Variants in MLLT6 observed in about 807,000 individuals in gnomAD.
MLLT6 encodes the protein protein AF-17.
A neutral mutation model predicts 103.0 loss-of-function variants in MLLT6; 22 were observed. The observed-to-expected ratio is 0.21, with a 90% CI of 0.15 to 0.31. MLLT6 has a LOEUF of 0.31. MLLT6 is among the 10% of genes least tolerant of loss of function. MLLT6 has a pLI of 1.00. For synonymous variants in MLLT6, 606 were observed against 623.5 expected, an observed-to-expected ratio of 0.97 and a Z score of 0.42; for missense variants, 1,199 against 1,441.7, an observed-to-expected ratio of 0.83 and a Z score of 2.73.
At position 38,722,073 on chromosome 17, in the gene MLLT6, A is replaced by C; in HGVS notation, c.2638A>C (p.Met880Leu). ...GGCAGCGGGGCTGGGGGCCATGCCC[A>C]TGGCTGAGGGGCTGTTGGGGGGGCT... The part of the protein sequence containing the change: ...PGAAGLGAMP[M>L]AEGLLGGLAG... The change falls in exon 17 of 20, where the codon ATG becomes CTG. Residue 880 changes from methionine to leucine, a missense_variant. Coordinates refer to ENST00000621332, the MANE Select transcript of MLLT6 (RefSeq NM_005937.4). The C allele has an allele frequency of 2.9e-6, 4 of 1,379,544 alleles. No homozygotes were observed. The East Asian group carries it at 9.0e-5, about 31-fold the overall frequency. The allele number at this position is 1,379,544 out of a possible 1,614,324, so 85.5% of individuals were successfully genotyped here. A position where few individuals can be genotyped will look rare whatever the true frequency, so the allele number is the denominator to read the frequency against.
rs1905187306 is a variant in MLLT6 at position 38,712,749 on chromosome 17, C to T, written c.779C>T (p.Pro260Leu). The T allele has an allele frequency of 6.2e-7, 1 of 1,613,968 alleles. No individual in the cohort carries two copies. The highest frequency in any genetic ancestry group is 1.1e-5 in the South Asian group (1 of 91,088). Residue 260 changes from proline (P) to leucine (L), a missense_variant, in exon 8 of 20, where the codon CCC becomes CTC. Pro to Leu is a moderately conservative substitution (Grantham distance 98). This residue lies in a region of MLLT6 where 1,034 missense variants were observed against 1,091.5 expected (regional missense o/e 0.95). Transcript: ENST00000621332. The part of the protein sequence containing the change: ...QKHKKRPESP[P>L]SILTPPVVPT... ...CACAAGAAGCGGCCTGAGTCGCCCC[C>T]CAGCATCCTCACCCCGCCCGTGGTC...
Position 38,717,493 on chromosome 17 carries a change from C to T in MLLT6, c.1713C>T (p.Cys571=), listed in dbSNP as rs772732752. 33 of 1,612,956 alleles carry T rather than the reference C, an allele frequency of 2.0e-5. No individual in the cohort carries two copies. The highest frequency in any genetic ancestry group is 2.7e-5 in the Non-Finnish European group (32 of 1,179,810). Residue 571 remains cysteine (C), a synonymous_variant, in exon 11 of 20, where the codon TGC becomes TGT. Transcript: ENST00000621332. ...SHSGGMLRAV[C]STPLSSSLLG... ...GTGGCGGGATGCTGCGGGCTGTCTG[C>T]AGCACCCCTCTCTCCTCCAGCCTCC...
chr17:38,721,105 C>T (rs1905708196), intron 16 of MLLT6: 10 of 361,098 alleles, frequency 2.8e-5, no homozygotes, highest in Non-Finnish European at 3.6e-5. Flanking sequence ...TAGGGAAGGC[C>T]TCTTTGAGAA....
chr17:38,724,983 A>G lies in MLLT6; in HGVS notation c.3240+7A>G. 1.3e-6 allele frequency: 2 copies of G among 1,516,348 alleles called. No homozygotes were observed. Among genetic ancestry groups the G allele is most frequent in the South Asian group, 2.5e-5 (2 of 80,776 alleles). The allele number at this position is 1,516,348 out of a possible 1,614,324, so 93.9% of individuals were successfully genotyped here. A position where few individuals can be genotyped will look rare whatever the true frequency, so the allele number is the denominator to read the frequency against. ...CGGTGGCCCCAAAGGAGGGGTGAGT[A>G]AGGGGCCCGGGGCCTTCCTGCCTCC... On this transcript the variant is annotated splice_region_variant and intron_variant, in intron 19 of 19. Transcript: ENST00000621332. The surrounding 1 kb of genome is among the most constrained non-coding windows in gnomAD (Gnocchi z 5.4).
At position 38,725,241 on chromosome 17, in the gene MLLT6, C is replaced by A. The variant is rs1182356905; in HGVS notation, c.3240+265C>A. The A allele has an allele frequency of 7.7e-5, 41 of 530,516 alleles. No individual in the cohort carries two copies. In the East Asian group the frequency reaches 1.3e-3, roughly 17 times the overall value. 32.9% of individuals were successfully genotyped at this position (530,516 alleles called of 1,614,324 possible). On this transcript the variant is annotated intron_variant, in intron 19 of 19. Transcript: ENST00000621332. ...CTCCGGGAGGACCAATTAGAAAAAGCCATTTTGTTTCTCATCCGACCAATT... is the reference window on the plus strand; with the variant it reads ...CTCCGGGAGGACCAATTAGAAAAAGACATTTTGTTTCTCATCCGACCAATT...
intron 18 of MLLT6, 43 bp downstream of exon 18, chr17:38,722,811 C>T (rs1215491197): frequency 7.1e-7 from 1 of 1,409,360 alleles, no homozygotes. Context: ...CCTTGGTCTG[C>T]CTGGAAGGGC....
At position 38,728,664 on chromosome 17, in the gene MLLT6, A is replaced by AG. The variant is rs1906164531; in HGVS notation, c.*3070dup. The AG allele has an allele frequency of 4.3e-6, 1 of 233,786 alleles. No individual in the cohort carries two copies. The highest frequency in any genetic ancestry group is 6.0e-5 in the East Asian group (1 of 16,602). The allele number at this position is 233,786 out of a possible 1,614,324, so 14.5% of individuals were successfully genotyped here. On this transcript the variant is annotated 3_prime_UTR_variant, in exon 20 of 20. Coordinates refer to ENST00000621332, the MANE Select transcript of MLLT6 (RefSeq NM_005937.4). ...CACAGATGACAGCTCCAAGCCTAGA[A>AG]GGGGCTCAGTGACAGGGCCAGGACA...
chr17:38,716,965 C>T lies in MLLT6; in HGVS notation c.1635C>T (p.Ser545=), dbSNP rs755028904. Residue 545 remains serine (S), a synonymous_variant, in exon 10 of 20, where the codon TCC becomes TCT. Coordinates refer to ENST00000621332, the MANE Select transcript of MLLT6 (RefSeq NM_005937.4). This position sits in a 1 kb window ranked among gnomAD's most constrained non-coding sequence, Gnocchi z 5.6. ...GCTTGCCCAGCTTGAGCCTGGAGTC[C>T]CCCTTACTAGGGGCAGGTTAGTGAC... ...SGSLPSLSLE[S]PLLGAGIYTS... The T allele has an allele frequency of 1.2e-6, 2 of 1,613,432 alleles. No individual in the cohort carries two copies. Among genetic ancestry groups the T allele is most frequent in the Admixed American group, 3.3e-5 (2 of 59,978 alleles).
intron 1 of MLLT6, 115 bp downstream of exon 1, chr17:38,705,856 C>G: frequency 3.0e-6 from 1 of 328,350 alleles, no homozygotes. Context: ...CCCACCCCAC[C>G]TGAAGGGAAG....
In MLLT6 at chr17:38,716,972, C is replaced by G. The variant is rs751583060; in HGVS notation, c.1642C>G (p.Leu548Val). The change falls in exon 10 of 20, where the codon CTA (leucine) becomes GTA (valine). Residue 548 changes from leucine (L) to valine (V), a missense_variant. Leu to Val is a conservative substitution (Grantham distance 32). This residue lies in a region of MLLT6 where 1,034 missense variants were observed against 1,091.5 expected (regional missense o/e 0.95). Transcript: ENST00000621332. The surrounding 1 kb of genome is among the most constrained non-coding windows in gnomAD (Gnocchi z 5.6). Reference protein sequence around the residue: ...LPSLSLESPLLGAGIYTSNKD... With the variant: ...LPSLSLESPLVGAGIYTSNKD... ...CAGCTTGAGCCTGGAGTCCCCCTTA[C>G]TAGGGGCAGGTTAGTGACCCCTGGG... 6.2e-7 allele frequency: 1 copy of G among 1,613,400 alleles called. No homozygotes were observed. Among genetic ancestry groups the G allele is most frequent in the Non-Finnish European group, 8.5e-7 (1 of 1,179,882 alleles).
Position 38,719,835 on chromosome 17 carries a change from G to A in MLLT6, c.2095G>A (p.Gly699Arg). The A allele has an allele frequency of 1.2e-6, 2 of 1,612,244 alleles. No homozygotes were observed. The highest frequency in any genetic ancestry group is 1.7e-6 in the Non-Finnish European group (2 of 1,179,502). The change falls in exon 14 of 20, where the codon GGG becomes AGG. Residue 699 changes from glycine (G) to arginine (R), a missense_variant. Around this residue, in one of 7 missense-constraint regions of MLLT6, gnomAD observed 1,034 missense variants for 1,091.5 expected, o/e 0.95. Coordinates refer to ENST00000621332, the MANE Select transcript of MLLT6 (RefSeq NM_005937.4). ...GGGQLDPAAP[G>R]TTNMEQLLEK... is the part of the protein sequence containing the mutation. ...CGGCCAGTTAGACCCGGCGGCCCCAGGGACGACTAACATGGAGCAGCTTCT... is the reference window on the plus strand; with the variant it reads ...CGGCCAGTTAGACCCGGCGGCCCCAAGGACGACTAACATGGAGCAGCTTCT...
At chr17:38,722,802 C>T (rs749804886) in intron 18 of MLLT6, 34 bp downstream of exon 18, 1 of 1,493,736 alleles carries the variant, frequency 6.7e-7, no homozygotes, top group Non-Finnish European at 9.3e-7. Context: ...TCAGGTGCCC[C>T]TTGGTCTGCC....
intron 8 of MLLT6, chr17:38,713,747 C>T (rs1228317452): frequency 6.6e-6 from 1 of 152,402 alleles, no homozygotes; most frequent in Non-Finnish European, 1.5e-5. Flanking sequence ...GTCCCTTGGA[C>T]ATGCCAGAGA....
chr17:38,709,156 T>C lies in MLLT6; in HGVS notation c.355-17T>C, dbSNP rs985246857. The stretch of plus-strand genomic sequence containing the variant: ...GGGGCTCCCTGGAGGAGGGGACGAT[T>C]GCGCTGTGTCCTGCAGACCTGTTAC... On this transcript the variant is annotated splice_polypyrimidine_tract_variant and intron_variant, in intron 4 of 19. Transcript: ENST00000621332. This position sits in a 1 kb window ranked among gnomAD's most constrained non-coding sequence, Gnocchi z 4.3. 1 of 1,602,412 alleles carries C rather than the reference T, an allele frequency of 6.2e-7. No homozygotes were observed. Among genetic ancestry groups the C allele is most frequent in the Non-Finnish European group, 8.5e-7 (1 of 1,174,702 alleles).
chr17:38,719,794 C>T lies in MLLT6; in HGVS notation c.2054C>T (p.Ser685Phe). The part of the protein sequence containing the change: ...SLPALFDQTA[S>F]APCGGGQLDP... ...CCCGCACTCTTCGACCAGACAGCCT[C>T]TGCACCCTGTGGGGGCGGCCAGTTA... Residue 685 changes from serine (S) to phenylalanine (F), a missense_variant, in exon 14 of 20, where the codon TCT (serine) becomes TTT (phenylalanine). This residue lies in a region of MLLT6 where 1,034 missense variants were observed against 1,091.5 expected (regional missense o/e 0.95). Transcript: ENST00000621332. 6.2e-7 allele frequency: 1 copy of T among 1,613,522 alleles called. No individual in the cohort carries two copies. Among genetic ancestry groups the T allele is most frequent in the African/African-American group, 1.3e-5 (1 of 75,044 alleles).
chr17:38,715,486 T>G, intron 8 of MLLT6, 126 bp from the exon 9 acceptor site: 3 of 1,419,328 alleles, frequency 2.1e-6, no homozygotes, highest in Non-Finnish European at 2.8e-6. Context: ...CCGGAAGTCC[T>G]TCATGAAACT....
chr17:38,725,400 C>T (rs1598004485), intron 19 of MLLT6, 157 bp from the exon 20 acceptor site: 11 of 663,062 alleles, frequency 1.7e-5, no homozygotes, highest in East Asian at 8.8e-5. Context: ...CCCTGCGCAT[C>T]GGCCCTGGTG....
At position 38,708,551 on chromosome 17, in the gene MLLT6, G is replaced by A. The variant is rs147754667; in HGVS notation, c.355-622G>A. On this transcript the variant is annotated intron_variant, in intron 4 of 19. Transcript: ENST00000621332. The stretch of plus-strand genomic sequence containing the variant: ...TTTCAGAGCTAACCATCCAAGGACT[G>A]TGCTACCCAGCATAGTAGCCATCGG... Among the ~76,000 whole-genome samples, 6 of 152,304 alleles carry A rather than the reference G, an allele frequency of 3.9e-5. No individual in the cohort carries two copies. The East Asian group carries it at 1.2e-3, about 29-fold the overall frequency.
In MLLT6 at chr17:38,722,003, C is replaced by A; in HGVS notation, c.2568C>A (p.Ala856=). 6.7e-7 allele frequency: 1 copy of A among 1,484,872 alleles called. No homozygotes were observed. Among genetic ancestry groups the A allele is most frequent in the Non-Finnish European group, 8.9e-7 (1 of 1,118,884 alleles). The allele number at this position is 1,484,872 out of a possible 1,614,324, so 92.0% of individuals were successfully genotyped here. The change falls in exon 17 of 20, where the codon GCC becomes GCA. Residue 856 remains alanine (A), a synonymous_variant. Transcript: ENST00000621332. The part of the protein sequence containing the change: ...TLPLALPGAP[A]PLPPQPQNGL... ...CCCTGGCCCTGCCTGGGGCCCCTGC[C>A]CCACTCCCGCCCCAGCCGCAGAACG...
Sources: gnomAD v4.1 joint callset for allele counts (sites outside exome capture counted in the v4.1 genomes callset) on GRCh38, gnomAD v4.1.1 for gene constraint, gnomAD v4.1.1 regional missense constraint, Gnocchi (gnomAD v3.1) non-coding constraint, MANE v1.5 for transcripts, NCBI Gene and HGNC (gene_info 2026-07-23, HGNC 2026-07-21) for gene names.